AKAP13: variants seen among roughly 807,000 people sequenced by gnomAD.
The protein encoded by AKAP13 is A-kinase anchor protein 13.
In AKAP13, 80 loss-of-function variants were observed where a neutral mutation model predicts 264.5. The ratio of observed to expected loss-of-function variants is 0.30; its 90% CI spans 0.25 to 0.36. The LOEUF (loss-of-function observed/expected upper bound fraction) is 0.36. Ranked by LOEUF, AKAP13 falls within the 10% of genes least tolerant of loss-of-function variation. The pLI, the probability that AKAP13 is intolerant of heterozygous loss-of-function variation, is 1.00. For synonymous variants in AKAP13, 1,380 were observed against 1,250.2 expected (o/e 1.10, Z -2.19); for missense variants, 3,712 against 3,435.2 (o/e 1.08, Z -2.01).
intron 5 of AKAP13, among the ~76,000 whole-genome samples, chr15:85,566,207 G>A (rs190192076): frequency 4.4e-4 from 67 of 152,282 alleles, no homozygotes; most frequent in African/African-American, 1.6e-3. Context: ...GATCAATGCT[G>A]TTATACCATT....
At chr15:85,722,152 T>C (rs2087328438) in intron 24 of AKAP13, 36 bp downstream of exon 24, 1 of 1,612,652 alleles carries the variant, frequency 6.2e-7, no homozygotes, top group Middle Eastern at 1.6e-4. Flanking sequence ...CCGTTATTGT[T>C]GAGAGCCATG....
At chr15:85,649,833 C>T (rs189840460) in intron 10 of AKAP13, among the ~76,000 whole-genome samples, 7 of 152,132 alleles carry the variant, frequency 4.6e-5, no homozygotes, top group East Asian at 1.9e-4. Context: ...AGAGAAAGTA[C>T]GATTATAAAA....
chr15:85,685,849 G>A (rs2084881734), intron 16 of AKAP13, among the ~76,000 whole-genome samples: 1 of 152,054 alleles, frequency 6.6e-6, no homozygotes, highest in Non-Finnish European at 1.5e-5. Context: ...AAATCTAAAA[G>A]TAAAAGAATG....
chr15:85,662,759 G>A (rs1455445555), intron 12 of AKAP13, among the ~76,000 whole-genome samples: 4 of 152,128 alleles, frequency 2.6e-5, no homozygotes, highest in South Asian at 2.1e-4. Context: ...CTTGGAACCC[G>A]AAGAAAACAA....
chr15:85,577,090 A>G (rs1178215972), intron 6 of AKAP13, among the ~76,000 whole-genome samples: 1 of 152,234 alleles, frequency 6.6e-6, no homozygotes, highest in Non-Finnish European at 1.5e-5. Context: ...TAAGGAGCCT[A>G]ACACAGAAGC....
Position 85,488,136 on chromosome 15 carries a change from C to T in AKAP13, c.33+2383C>T, listed in dbSNP as rs377290672. Among the ~76,000 whole-genome samples the T allele has an allele frequency of 7.9e-5, 12 of 152,260 alleles. No individual in the cohort carries two copies. The East Asian group carries it at 9.7e-4, about 12-fold the overall frequency. On this transcript the variant is annotated intron_variant, in intron 2 of 36. Transcript: ENST00000394518. ...TTGGGCTCAAGTGATCCTTCCACCT[C>T]GGCCTCCCAAAGTGCTGGGATTACA...
chr15:85,592,182 T>A (rs924002668), intron 8 of AKAP13, among the ~76,000 whole-genome samples: 11 of 151,932 alleles, frequency 7.2e-5, no homozygotes, highest in Admixed American at 3.9e-4. Context: ...GGTCTTAGAA[T>A]ATTGCCTGTT....
At chr15:85,705,455 G>GA (rs774900583) in intron 17 of AKAP13, among the ~76,000 whole-genome samples, 7 of 151,334 alleles carry the variant, frequency 4.6e-5, no homozygotes, top group Non-Finnish European at 8.9e-5. Context: ...TAAAACAAAA[G>GA]AAAAAAAATA....
chr15:85,410,661 C>T (rs909414018), intron 1 of AKAP13, among the ~76,000 whole-genome samples: 1 of 151,444 alleles, frequency 6.6e-6, no homozygotes, highest in Non-Finnish European at 1.5e-5. Flanking sequence ...TACCATCTGT[C>T]ACCTGGACGT....
At position 85,579,581 on chromosome 15, in the gene AKAP13, A is replaced by C; in HGVS notation, c.1513A>C (p.Lys505Gln). Residue 505 changes from lysine to glutamine, a missense_variant, in exon 7 of 37, where the codon AAG (lysine) becomes CAG (glutamine). Transcript: ENST00000394518. The part of the protein sequence containing the change: ...KNVLQGGEST[K>Q]ERFENSNIGT... The stretch of plus-strand genomic sequence containing the variant: ...TGTGCTTCAGGGAGGGGAAAGTACA[A>C]AGGAAAGATTTGAGAACTCTAATAT... 4 of 1,614,178 alleles carry C rather than the reference A, an allele frequency of 2.5e-6. No individual in the cohort carries two copies. The highest frequency in any genetic ancestry group is 1.1e-5 in the South Asian group (1 of 91,076).
chr15:85,680,709 T>C (rs2084543891), intron 14 of AKAP13, among the ~76,000 whole-genome samples: 1 of 152,126 alleles, frequency 6.6e-6, no homozygotes, highest in Non-Finnish European at 1.5e-5. Context: ...TAAAAAAAAT[T>C]TGTAACAATA....
intron 8 of AKAP13, among the ~76,000 whole-genome samples, chr15:85,608,564 T>C (rs1596697767): frequency 6.6e-6 from 1 of 152,138 alleles, no homozygotes; most frequent in African/African-American, 2.4e-5. Flanking sequence ...CTAAGCCCCA[T>C]AGTGGTTCAA....
Position 85,400,423 on chromosome 15 carries a change from T to C in AKAP13, c.-12+19625T>C, listed in dbSNP as rs560909377. Among the ~76,000 whole-genome samples, 692 of 151,914 alleles carry C rather than the reference T, an allele frequency of 4.6e-3. 3 individuals carry two copies. The highest frequency in any genetic ancestry group is 8.2e-3 in the Non-Finnish European group (557 of 67,922). On this transcript the variant is annotated intron_variant, in intron 1 of 36. Transcript: ENST00000394518. ...AAGATCCTGTCTCTAAAAAAAAAATTAAAAAACAAAATTTAGTTCTGAAAG... is the reference window on the plus strand; with the variant it reads ...AAGATCCTGTCTCTAAAAAAAAAATCAAAAAACAAAATTTAGTTCTGAAAG...
chr15:85,581,774 G>C lies in AKAP13; in HGVS notation c.3706G>C (p.Ala1236Pro). Residue 1236 changes from alanine (A) to proline (P), a missense_variant, in exon 7 of 37, where the codon GCC (alanine) becomes CCC (proline). Physicochemically the swap from Ala to Pro is conservative, Grantham distance 27 (BLOSUM62 -1). Around this residue, in one of 3 missense-constraint regions of AKAP13, gnomAD observed 2,759 missense variants for 2,411.7 expected, o/e 1.14. Transcript: ENST00000394518. The stretch of plus-strand genomic sequence containing the variant: ...TCCCTCTCTACCTTGCATGGTCTCT[G>C]CCCAGGACGCACCTCTGCCTAAGGG... ...STPSLPCMVS[A>P]QDAPLPKGAD... 6.2e-7 allele frequency: 1 copy of C among 1,614,148 alleles called. No homozygotes were observed. The highest frequency in any genetic ancestry group is 1.1e-5 in the South Asian group (1 of 91,078).
chr15:85,509,221 C>T (rs1403260698), intron 2 of AKAP13, among the ~76,000 whole-genome samples: 1 of 152,174 alleles, frequency 6.6e-6, no homozygotes, highest in Non-Finnish European at 1.5e-5. Flanking sequence ...TATTAAGTGA[C>T]TGATTCTGAT....
chr15:85,711,490 A>C (rs2086632483), intron 19 of AKAP13, among the ~76,000 whole-genome samples: 1 of 152,164 alleles, frequency 6.6e-6, no homozygotes, highest in South Asian at 2.1e-4. Context: ...AATATGACTT[A>C]TGCTTATATG....
chr15:85,484,223 T>A (rs1271653807), intron 1 of AKAP13, among the ~76,000 whole-genome samples: 1 of 152,218 alleles, frequency 6.6e-6, no homozygotes, highest in Non-Finnish European at 1.5e-5. Flanking sequence ...AGCCTTTCAA[T>A]CTTTCATTTT....
chr15:85,526,040 A>G (rs533616362), intron 3 of AKAP13, among the ~76,000 whole-genome samples: 94 of 152,338 alleles, frequency 6.2e-4, no homozygotes, highest in African/African-American at 2.1e-3. Flanking sequence ...GAAGAACTAC[A>G]AACCTTTATT....
At position 85,722,097 on chromosome 15, in the gene AKAP13, G is replaced by A. The variant is rs202084404; in HGVS notation, c.6359G>A (p.Arg2120His). 1.9e-4 allele frequency: 303 copies of A among 1,614,084 alleles called. No homozygotes were observed. Among genetic ancestry groups the A allele is most frequent in the Non-Finnish European group, 2.4e-4 (289 of 1,179,952 alleles). Reference sequence around the variant, plus strand: ...AAAGACCTTTATGCCAAGGATAAGCGTTTTCAAGCCTTTGTAAAGGTATTG... The same window carrying A: ...AAAGACCTTTATGCCAAGGATAAGCATTTTCAAGCCTTTGTAAAGGTATTG... ...YFKDLYAKDK[R>H]FQAFVKKKMS... The change falls in exon 24 of 37, where the codon CGT becomes CAT. Residue 2120 changes from arginine to histidine, a missense_variant. Around this residue, in one of 3 missense-constraint regions of AKAP13, gnomAD observed 342 missense variants for 484.3 expected, o/e 0.71. Coordinates refer to ENST00000394518, the MANE Select transcript of AKAP13 (RefSeq NM_007200.5).
Sources: allele counts gnomAD v4.1 joint callset (sites outside exome capture counted in the v4.1 genomes callset), GRCh38; gene constraint gnomAD v4.1.1; regional missense constraint gnomAD v4.1.1; transcripts MANE v1.5; gene names NCBI Gene and HGNC (gene_info 2026-07-23, HGNC 2026-07-21).